Variants in ACADSB observed in about 807,000 individuals in gnomAD.
ACADSB encodes acyl-CoA dehydrogenase short/branched chain, also known as short/branched chain specific acyl-CoA dehydrogenase, mitochondrial.
A neutral mutation model predicts 54.1 loss-of-function variants in ACADSB; 40 were observed. That is an observed-to-expected ratio of 0.74 (90% confidence interval 0.57 to 0.96). ACADSB has a LOEUF of 0.96. ACADSB is among the 40% of genes least tolerant of loss of function. ACADSB has a pLI of 0.00. For missense variants in ACADSB, 530 were observed against 510.4 expected (o/e 1.04, Z -0.37); for synonymous variants, 182 against 182.8 (o/e 1.00, Z 0.03).
At chr10:123,041,443 T>C in intron 5 of ACADSB, 64 bp downstream of exon 5, 1 of 1,544,780 alleles carries the variant, frequency 6.5e-7, no homozygotes, top group Non-Finnish European at 8.9e-7. Context: ...CTTTATCTTT[T>C]CCTCCTTCTG....
At chr10:123,009,942 T>C (rs1849993500) in intron 1 of ACADSB, among the ~76,000 whole-genome samples, 1 of 152,262 alleles carries the variant, frequency 6.6e-6, no homozygotes, top group South Asian at 2.1e-4. Flanking sequence ...TGCATTTGCT[T>C]TAATGAGTTA....
In ACADSB at chr10:123,056,313, G is replaced by C. The variant is rs545467732; in HGVS notation, c.*2548G>C. Reference sequence around the variant, plus strand: ...CATGGCGGGAGGTGAAAAGCACTTCGTACATGGTGGTGGCAAGAGAAAATG... The same window carrying C: ...CATGGCGGGAGGTGAAAAGCACTTCCTACATGGTGGTGGCAAGAGAAAATG... On this transcript the variant is annotated 3_prime_UTR_variant, in exon 11 of 11. Transcript: ENST00000358776. The C allele has an allele frequency of 8.2e-6, 2 of 242,984 alleles. No homozygotes were observed. Among genetic ancestry groups the C allele is most frequent in the East Asian group, 2.9e-4 (2 of 6,872 alleles). The allele number at this position is 242,984 out of a possible 1,614,324, so 15.1% of individuals were successfully genotyped here.
At chr10:123,017,553 C>A (rs527985173) in intron 1 of ACADSB, among the ~76,000 whole-genome samples, 1 of 152,148 alleles carries the variant, frequency 6.6e-6, no homozygotes, top group Non-Finnish European at 1.5e-5. Context: ...CCTGACCTCA[C>A]GTGATCCATC....
Position 123,051,095 on chromosome 10 carries a change from C to T in ACADSB, c.1037C>T (p.Ala346Val). Residue 346 changes from alanine to valine, a missense_variant, in exon 9 of 11, where the codon GCA (alanine) becomes GTA (valine). By Grantham distance (64) the Ala-to-Val change is moderately conservative (BLOSUM62 0). Transcript: ENST00000358776. ...VAHVATQLEAARLLTYNAARL... is the reference protein window; with the variant it reads ...VAHVATQLEAVRLLTYNAARL... ...CACGTGGCCACCCAGCTGGAAGCTG[C>T]AAGATTACTAACATACAATGCTGCT... is the stretch of plus-strand genomic sequence containing the variant. 6.2e-7 allele frequency: 1 copy of T among 1,600,436 alleles called. No individual in the cohort carries two copies. Among genetic ancestry groups the T allele is most frequent in the Non-Finnish European group, 8.5e-7 (1 of 1,176,414 alleles).
intron 6 of ACADSB, among the ~76,000 whole-genome samples, chr10:123,043,940 A>G (rs1334599524): frequency 6.6e-6 from 1 of 152,168 alleles, no homozygotes; most frequent in Non-Finnish European, 1.5e-5. Flanking sequence ...ACCTGTGTAC[A>G]CACATGCACA....
intron 1 of ACADSB, among the ~76,000 whole-genome samples, chr10:123,011,990 C>T (rs1814609910): frequency 6.6e-6 from 1 of 152,108 alleles, no homozygotes; most frequent in African/African-American, 2.4e-5. Context: ...GCTAGGACCA[C>T]AGGCATGTGT....
intron 1 of ACADSB, among the ~76,000 whole-genome samples, chr10:123,020,665 G>A (rs938852124): frequency 1.3e-5 from 2 of 152,178 alleles, no homozygotes; most frequent in Non-Finnish European, 2.9e-5. Flanking sequence ...TTTCCAGAGT[G>A]ACTGTACCAT....
chr10:123,041,889 A>T (rs1340282949), intron 5 of ACADSB, among the ~76,000 whole-genome samples: 1 of 151,720 alleles, frequency 6.6e-6, no homozygotes, highest in Non-Finnish European at 1.5e-5. Context: ...ACAGATATGG[A>T]GGGATGACTG....
At chr10:123,038,583 A>G (rs766250399) in intron 3 of ACADSB, among the ~76,000 whole-genome samples, 67 of 152,164 alleles carry the variant, frequency 4.4e-4, no homozygotes, top group Non-Finnish European at 7.1e-4. Context: ...TATAAAATAT[A>G]TTTTTTTTAA....
rs972272895 is a variant in ACADSB at position 123,052,033 on chromosome 10, C to T, written c.1128+847C>T. On this transcript the variant is annotated intron_variant, in intron 9 of 10. Transcript: ENST00000358776. The surrounding 1 kb of genome is among the most constrained non-coding windows in gnomAD (Gnocchi z 4.2). ...CAGTCACCTCACTGCCCTCCTGGTCCCTGGTGCTTCCTCCCATCCAGCCTC... is the reference window on the plus strand; with the variant it reads ...CAGTCACCTCACTGCCCTCCTGGTCTCTGGTGCTTCCTCCCATCCAGCCTC... Among the ~76,000 whole-genome samples, 2 of 152,184 alleles carry T rather than the reference C, an allele frequency of 1.3e-5. No homozygotes were observed. The highest frequency in any genetic ancestry group is 2.9e-5 in the Non-Finnish European group (2 of 68,034).
Position 123,055,645 on chromosome 10 carries a change from T to TA in ACADSB, c.*1884dup, listed in dbSNP as rs1282145203. The TA allele has an allele frequency of 6.6e-6, 1 of 152,170 alleles. No individual in the cohort carries two copies. Among genetic ancestry groups the TA allele is most frequent in the East Asian group, 1.9e-4 (1 of 5,202 alleles). 9.4% of individuals were successfully genotyped at this position (152,170 alleles called of 1,614,324 possible). A position where few individuals can be genotyped will look rare whatever the true frequency, so the allele number is the denominator to read the frequency against. On this transcript the variant is annotated 3_prime_UTR_variant, in exon 11 of 11. Transcript: ENST00000358776. ...CAAGTCCCTTCCACTTATGAACCTG[T>TA]AAAATCAAAAGTAAACTAGTTACTT...
rs1222127339 is a variant in ACADSB, at chr10:123,053,172, T to G, written c.1228+12T>G. 1 of 1,583,406 alleles carries G rather than the reference T, an allele frequency of 6.3e-7. No individual in the cohort carries two copies. The highest frequency in any genetic ancestry group is 1.7e-5 in the Admixed American group (1 of 59,586). ...AGATGCAAAGATTGGTAAATAGATT[T>G]TTTTTTTTTACATTTTATTTTGTTT... On this transcript the variant is annotated intron_variant, in intron 10 of 10. Transcript: ENST00000358776.
rs936217259 is a variant in ACADSB, at chr10:123,056,489, T to C, written c.*2724T>C. The C allele has an allele frequency of 6.5e-6, 1 of 154,458 alleles. No individual in the cohort carries two copies. The highest frequency in any genetic ancestry group is 2.4e-5 in the African/African-American group (1 of 41,472). 9.6% of individuals were successfully genotyped at this position (154,458 alleles called of 1,614,324 possible). A position where few individuals can be genotyped will look rare whatever the true frequency, so the allele number is the denominator to read the frequency against. ...ACATGTGGGAATTCCAGAAGATAAA[T>C]TCAAGTTGCAATTTCAGTGGGGACA... On this transcript the variant is annotated 3_prime_UTR_variant, in exon 11 of 11. Transcript: ENST00000358776.
At chr10:123,025,550 C>T (rs1178382735) in intron 1 of ACADSB, among the ~76,000 whole-genome samples, 2 of 152,104 alleles carry the variant, frequency 1.3e-5, no homozygotes, top group African/African-American at 4.8e-5. Context: ...AAAGACAAAT[C>T]ACAAACTGGC....
At chr10:123,020,311 C>G (rs555976746) in intron 1 of ACADSB, among the ~76,000 whole-genome samples, 1 of 149,828 alleles carries the variant, frequency 6.7e-6, no homozygotes, top group Admixed American at 6.7e-5. Flanking sequence ...TTTCTAATAG[C>G]CTCATTTCCC....
intron 1 of ACADSB, among the ~76,000 whole-genome samples, chr10:123,027,907 A>G (rs973426581): frequency 6.6e-6 from 1 of 152,196 alleles, no homozygotes; most frequent in African/African-American, 2.4e-5. Context: ...CAATGAGTTG[A>G]TGCCAGGAGG....
At chr10:123,024,726 C>CGGGCCCAAGCAAGCAGCTCGTGGGGCT (rs1564747768) in intron 1 of ACADSB, among the ~76,000 whole-genome samples, 15 of 152,196 alleles carry the variant, frequency 9.9e-5, no homozygotes, top group East Asian at 3.8e-4. Flanking sequence ...AGGGTGGGGC[C>CGGGCCCAAGCAAGCAGCTCGTGGGGCT]GGGCCCAAGC....
intron 1 of ACADSB, among the ~76,000 whole-genome samples, chr10:123,011,760 T>C (rs1850039262): frequency 6.6e-6 from 1 of 151,806 alleles, no homozygotes; most frequent in African/African-American, 2.4e-5. Context: ...GGTCTCAAAC[T>C]CCTAACTTCA....
chr10:123,053,654 C>T (rs774896889), intron 10 of ACADSB, 41 bp from the exon 11 acceptor site: 52 of 1,547,252 alleles, frequency 3.4e-5, no homozygotes, highest in Non-Finnish European at 4.3e-5. Context: ...CTTAACCATG[C>T]GCCAACTCCT....
Sources: gnomAD v4.1 joint callset for allele counts (sites outside exome capture counted in the v4.1 genomes callset) on GRCh38, gnomAD v4.1.1 for gene constraint, Gnocchi (gnomAD v3.1) non-coding constraint, MANE v1.5 for transcripts, NCBI Gene and HGNC (gene_info 2026-07-23, HGNC 2026-07-21) for gene names.